Variants in CEP192 observed in about 807,000 individuals in gnomAD.
The protein encoded by CEP192 is centrosomal protein 192, also known as centrosomal protein of 192 kDa.
Under a neutral mutation model 271.8 loss-of-function variants are expected in CEP192, and 151 were observed. The ratio of observed to expected loss-of-function variants is 0.56; its 90% CI spans 0.49 to 0.64. The LOEUF (loss-of-function observed/expected upper bound fraction) is 0.64, where lower values mean the gene tolerates loss of function less well. Ranked by LOEUF, CEP192 falls within the 30% of genes least tolerant of loss-of-function variation. The probability of loss-of-function intolerance (pLI) is 0.00; values close to 1 mark genes in which losing one functional copy is unlikely to be tolerated. For missense variants in CEP192, 2,910 were observed against 3,020.5 expected (o/e 0.96, Z 0.86); for synonymous variants, 995 against 1,076.5 (o/e 0.92, Z 1.48).
intron 36 of CEP192, among the ~76,000 whole-genome samples, chr18:13,099,090 G>C (rs572241273): frequency 1.6e-4 from 24 of 148,794 alleles, no homozygotes; most frequent in African/African-American, 5.6e-4. Context: ...TGAGGCAGGA[G>C]AATCAGGCAG....
intron 14 of CEP192, among the ~76,000 whole-genome samples, chr18:13,041,531 A>G (rs1478963975): frequency 1.3e-5 from 2 of 151,420 alleles, no homozygotes; most frequent in African/African-American, 4.9e-5. Flanking sequence ...TTCTCTAAAG[A>G]TGCACCCACT....
intron 1 of CEP192, among the ~76,000 whole-genome samples, chr18:12,997,951 C>A (rs2033363429): frequency 6.6e-6 from 1 of 152,136 alleles, no homozygotes; most frequent in African/African-American, 2.4e-5. Flanking sequence ...TCTTGAACTC[C>A]TGAACTCAAG....
chr18:13,069,080 A>G lies in CEP192; in HGVS notation c.4963-9A>G, dbSNP rs2037871443. On this transcript the variant is annotated splice_polypyrimidine_tract_variant and intron_variant, in intron 25 of 44. Transcript: ENST00000506447. ...TTCGTTGAAATGTCTGTCTTGCCCC[A>G]TCCTCCAGACGATGCATTTCTTGGC... is the stretch of plus-strand genomic sequence containing the variant. 1 of 1,614,100 alleles carries G rather than the reference A, an allele frequency of 6.2e-7. No homozygotes were observed. The highest frequency in any genetic ancestry group is 1.3e-5 in the African/African-American group (1 of 75,036).
intron 21 of CEP192, among the ~76,000 whole-genome samples, chr18:13,061,592 T>C (rs1007350143): frequency 6.6e-6 from 1 of 152,272 alleles, no homozygotes; most frequent in Non-Finnish European, 1.5e-5. Context: ...TGTGTTCTTA[T>C]GTTGATATTT....
At chr18:13,038,177 CTCATTT>C (rs942236934) in intron 12 of CEP192, among the ~76,000 whole-genome samples, 187 bp from the exon 13 acceptor site, 1 of 152,082 alleles carries the variant, frequency 6.6e-6, no homozygotes, top group African/African-American at 2.4e-5. Context: ...TTCAAAAATA[CTCATTT>C]TCCTTTTCTG....
At chr18:12,998,076 A>G (rs142728370) in intron 1 of CEP192, among the ~76,000 whole-genome samples, 4 of 152,226 alleles carry the variant, frequency 2.6e-5, no homozygotes, top group African/African-American at 4.8e-5. Context: ...TTTATATTTT[A>G]TAATTAGTCC....
chr18:13,056,802 TAA>T (rs1352385970), intron 19 of CEP192, 104 bp downstream of exon 19: 1 of 984,314 alleles, frequency 1.0e-6, no homozygotes, highest in Non-Finnish European at 1.5e-6. Flanking sequence ...TAATTCCTTG[TAA>T]GTTTTGTGCT....
intron 38 of CEP192, among the ~76,000 whole-genome samples, chr18:13,102,918 C>T (rs2039781592): frequency 6.6e-6 from 1 of 152,230 alleles, no homozygotes; most frequent in African/African-American, 2.4e-5. Context: ...ATGGGCACAT[C>T]AGATGTGATA....
At position 13,087,235 on chromosome 18, in the gene CEP192, G is replaced by C. The variant is rs184068792; in HGVS notation, c.5835G>C (p.Arg1945Ser). 3 of 1,610,390 alleles carry C rather than the reference G, an allele frequency of 1.9e-6. No homozygotes were observed. The African/African-American group carries it at 4.0e-5, about 21-fold the overall frequency. ...KKVLLDPKVL[R>S]IFPDKFVLKE... ...TTTTGCTGGATCCTAAAGTATTGAGGATTTTTCCAGATAAATTTGTACTCA... is the reference window on the plus strand; with the variant it reads ...TTTTGCTGGATCCTAAAGTATTGAGCATTTTTCCAGATAAATTTGTACTCA... Residue 1945 changes from arginine to serine, a missense_variant, in exon 31 of 45, where the codon AGG becomes AGC. Transcript: ENST00000506447.
chr18:13,092,668 T>C (rs1353969716), intron 34 of CEP192, 141 bp downstream of exon 34: 8 of 681,734 alleles, frequency 1.2e-5, no homozygotes, highest in Admixed American at 3.2e-5. Flanking sequence ...AAATTTAAGT[T>C]GAAATAATTT....
At chr18:13,099,745 A>C (rs971403203) in intron 37 of CEP192, among the ~76,000 whole-genome samples, 164 bp downstream of exon 37, 2 of 152,220 alleles carry the variant, frequency 1.3e-5, no homozygotes, top group African/African-American at 4.8e-5. Context: ...CCACAGATTG[A>C]AATTATTTGG....
chr18:13,095,497 T>C lies in CEP192; in HGVS notation c.6255-6T>C, dbSNP rs1431874098. 3 of 1,587,150 alleles carry C rather than the reference T, an allele frequency of 1.9e-6. No homozygotes were observed. The highest frequency in any genetic ancestry group is 2.6e-6 in the Non-Finnish European group (3 of 1,170,628). ...CTAACTTTTTCATTTTTAAATAATT[T>C]TTTAGCGACTTGGGAGCTTCTGGGA... is the stretch of plus-strand genomic sequence containing the variant. On this transcript the variant is annotated splice_region_variant and splice_polypyrimidine_tract_variant and intron_variant, in intron 34 of 44. Transcript: ENST00000506447.
At chr18:13,118,323 C>T (rs753363716) in intron 44 of CEP192, among the ~76,000 whole-genome samples, 7 of 152,082 alleles carry the variant, frequency 4.6e-5, no homozygotes, top group Non-Finnish European at 1.0e-4. Context: ...GAGACTATTC[C>T]AGAAACGTGT....
intron 1 of CEP192, among the ~76,000 whole-genome samples, chr18:12,992,155 C>T (rs772515256): frequency 3.3e-5 from 5 of 152,060 alleles, no homozygotes; most frequent in Non-Finnish European, 7.4e-5. Flanking sequence ...TTTATATGAC[C>T]ATATTTCCAT....
In CEP192 at chr18:13,038,471, A is replaced by C. The variant is rs761413364; in HGVS notation, c.1701A>C (p.Ser567=). 6.4e-7 allele frequency: 1 copy of C among 1,551,600 alleles called. No individual in the cohort carries two copies. The highest frequency in any genetic ancestry group is 8.7e-7 in the Non-Finnish European group (1 of 1,146,914). ...YSLLRKSRST[S]DLDKDDASYL... ...TGTTGAGGAAATCACGTAGCACATC[A>C]GATTTGGATAAAGATGATGCCAGTT... Residue 567 remains serine, a synonymous_variant, in exon 13 of 45, where the codon TCA becomes TCC. Coordinates refer to ENST00000506447, the MANE Select transcript of CEP192 (RefSeq NM_032142.4).
chr18:13,013,031 C>T lies in CEP192; in HGVS notation c.519+6C>T, dbSNP rs981024833. On this transcript the variant is annotated splice_donor_region_variant and intron_variant, in intron 5 of 44. Coordinates refer to ENST00000506447, the MANE Select transcript of CEP192 (RefSeq NM_032142.4). ...TGAATAATAAGGAACCCAAGGTAAC[C>T]TTTTATATATTTGGTATCATTTTCT... 1 of 1,398,406 alleles carries T rather than the reference C, an allele frequency of 7.2e-7. No individual in the cohort carries two copies. The highest frequency in any genetic ancestry group is 2.0e-5 in the Admixed American group (1 of 49,650). 86.6% of individuals were successfully genotyped at this position (1,398,406 alleles called of 1,614,324 possible). A position where few individuals can be genotyped will look rare whatever the true frequency, so the allele number is the denominator to read the frequency against.
At chr18:12,995,513 T>C (rs1322307076) in intron 1 of CEP192, among the ~76,000 whole-genome samples, 2 of 152,162 alleles carry the variant, frequency 1.3e-5, no homozygotes, top group African/African-American at 4.8e-5. Context: ...ATTTGAAAAT[T>C]TTTATTCATT....
rs1434890569 is a variant in CEP192, at chr18:13,013,102, G to C, written c.519+77G>C. The C allele has an allele frequency of 5.9e-6, 4 of 674,440 alleles. No homozygotes were observed. The East Asian group carries it at 8.7e-5, about 15-fold the overall frequency. 41.8% of individuals were successfully genotyped at this position (674,440 alleles called of 1,614,324 possible). ...AATTTCATATTTCGCATATATAACT[G>C]TTAATATTAGTTAGATGTCATCTAC... On this transcript the variant is annotated intron_variant, in intron 5 of 44. Transcript: ENST00000506447.
At chr18:13,071,860 A>G (rs1162414928) in intron 28 of CEP192, among the ~76,000 whole-genome samples, 1 of 152,192 alleles carries the variant, frequency 6.6e-6, no homozygotes, top group Non-Finnish European at 1.5e-5. Context: ...ACTTTTGAGT[A>G]CATTTAACTG....
Sources: gnomAD v4.1 joint callset for allele counts (sites outside exome capture counted in the v4.1 genomes callset) on GRCh38, gnomAD v4.1.1 for gene constraint, MANE v1.5 for transcripts, NCBI Gene and HGNC (gene_info 2026-07-23, HGNC 2026-07-21) for gene names.